Variants in NLRP13 observed in about 807,000 individuals in gnomAD.
NLRP13 encodes the protein NLR family pyrin domain containing 13, also known as NACHT, LRR and PYD domains-containing protein 13.
In NLRP13, 82 loss-of-function variants were observed where a neutral mutation model predicts 94.4. The ratio of observed to expected loss-of-function variants is 0.87; its 90% CI spans 0.73 to 1.04. NLRP13 has a LOEUF of 1.04. Among genes scored for constraint, NLRP13 ranks in the 50% least tolerant of loss-of-function variants. NLRP13 has a pLI of 0.00. For missense variants in NLRP13, 1,426 were observed against 1,230.8 expected, an observed-to-expected ratio of 1.16 and a Z score of -2.37; for synonymous variants, 553 against 464.7, an observed-to-expected ratio of 1.19 and a Z score of -2.45.
At chr19:55,927,456 TAAA>T (rs10707874) in intron 1 of NLRP13, among the ~76,000 whole-genome samples, 51 of 144,924 alleles carry the variant, frequency 3.5e-4, no homozygotes, top group African/African-American at 1.1e-3. Context: ...TCTAATTCCT[TAAA>T]AAAAAAAAAA....
intron 1 of NLRP13, among the ~76,000 whole-genome samples, chr19:55,931,722 A>AGAAAGAAAGAAAGAAAG (rs1468023647): frequency 1.0e-4 from 11 of 107,414 alleles, no homozygotes; most frequent in African/African-American, 3.6e-4. Context: ...AAAAAAAAAA[A>AGAAAGAAAGAAAGAAAG]AAAGAAAGAA....
chr19:55,932,288 G>T lies in NLRP13; in HGVS notation c.24C>A (p.Cys8Ter). The change falls in exon 1 of 11, where the codon TGC (cysteine) becomes TGA (stop). Residue 8 changes from cysteine (C) to a stop codon, truncating the protein, a stop_gained. Transcript: ENST00000342929. LOFTEE classifies it high-confidence loss of function. Reference sequence around the variant, plus strand: ...GCCCTTGGTTGGTACCACCGTTGGGGCAGGTGATTACAGAAAAGTTCATCT... The same window carrying T: ...GCCCTTGGTTGGTACCACCGTTGGGTCAGGTGATTACAGAAAAGTTCATCT... MNFSVIT[C>*]PNGGTNQGLL... 1 of 1,607,444 alleles carries T rather than the reference G, an allele frequency of 6.2e-7. No homozygotes were observed. The highest frequency in any genetic ancestry group is 8.5e-7 in the Non-Finnish European group (1 of 1,178,440).
intron 4 of NLRP13, among the ~76,000 whole-genome samples, chr19:55,921,651 T>G (rs1054091068): frequency 2.6e-5 from 4 of 152,174 alleles, no homozygotes; most frequent in African/African-American, 9.6e-5. Context: ...GAGATTAAGT[T>G]AAGGATCTGG....
intron 1 of NLRP13, among the ~76,000 whole-genome samples, chr19:55,927,797 C>A (rs1250934076): frequency 4.6e-5 from 7 of 152,048 alleles, no homozygotes; most frequent in Non-Finnish European, 7.4e-5. Flanking sequence ...GAATTGTGGC[C>A]CCGTGGTAAA....
At chr19:55,896,820 C>CAAAAAAAAAAAAAAAA (rs3073244) in intron 10 of NLRP13, among the ~76,000 whole-genome samples, 2 of 80,916 alleles carry the variant, frequency 2.5e-5, no homozygotes, top group South Asian at 7.8e-4. Context: ...CTCCATCTCA[C>CAAAAAAAAAAAAAAAA]AAAAAAAAAA....
intron 1 of NLRP13, among the ~76,000 whole-genome samples, chr19:55,926,407 C>T (rs749118181): frequency 3.3e-5 from 5 of 152,182 alleles, no homozygotes; most frequent in African/African-American, 4.8e-5. Flanking sequence ...GAAGGAATAG[C>T]GAAGAGCGGG....
At position 55,898,912 on chromosome 19, in the gene NLRP13, C is replaced by G. The variant is rs748548818; in HGVS notation, c.2815G>C (p.Glu939Gln). Residue 939 changes from glutamate (E) to glutamine (Q), a missense_variant, in exon 10 of 11, where the codon GAG (glutamate) becomes CAG (glutamine). Glu to Gln is a conservative substitution (Grantham distance 29). Coordinates refer to ENST00000342929, the MANE Select transcript of NLRP13 (RefSeq NM_176810.2). ...LNLSGCSFTR[E>Q]GCGELANALS... ...GCATTAGCCAGCTCTCCACAGCCCT[C>G]TCTTGTGAAAGAACAACCTGACAAA... 6 of 1,605,830 alleles carry G rather than the reference C, an allele frequency of 3.7e-6. No individual in the cohort carries two copies. Among genetic ancestry groups the G allele is most frequent in the African/African-American group, 1.3e-5 (1 of 74,436 alleles).
chr19:55,903,072 T>C (rs1348462243), intron 8 of NLRP13, among the ~76,000 whole-genome samples: 1 of 151,828 alleles, frequency 6.6e-6, no homozygotes, highest in Non-Finnish European at 1.5e-5. Context: ...TTATAACAGT[T>C]ATAATTATAC....
chr19:55,924,606 C>CA lies in NLRP13; in HGVS notation c.440_441insT (p.Glu147AspfsTer41). ...TGTACACACCTGTTTCTTCTTCTAGCTCGTCTAGTTCTTCTTGGTTTGGAT... is the reference window on the plus strand; with the variant it reads ...TGTACACACCTGTTTCTTCTTCTAGCATCGTCTAGTTCTTCTTGGTTTGGAT... On this transcript the variant is annotated frameshift_variant, in exon 3 of 11. Coordinates refer to ENST00000342929, the MANE Select transcript of NLRP13 (RefSeq NM_176810.2). LOFTEE classifies it high-confidence loss of function. 1 of 1,613,348 alleles carries CA rather than the reference C, an allele frequency of 6.2e-7. No individual in the cohort carries two copies. Among genetic ancestry groups the CA allele is most frequent in the Non-Finnish European group, 8.5e-7 (1 of 1,179,404 alleles).
intron 2 of NLRP13, 52 bp downstream of exon 2, chr19:55,924,915 G>A (rs1986930946): frequency 7.0e-7 from 1 of 1,434,034 alleles, no homozygotes; most frequent in African/African-American, 1.4e-5. Flanking sequence ...ACCAGTGAAT[G>A]AGTGCTCCAT....
At position 55,913,083 on chromosome 19, in the gene NLRP13, G is replaced by C; in HGVS notation, c.734C>G (p.Ala245Gly). Residue 245 changes from alanine to glycine, a missense_variant, in exon 5 of 11, where the codon GCA (alanine) becomes GGA (glycine). By Grantham distance (60) the Ala-to-Gly change is moderately conservative. Transcript: ENST00000342929. ...TGCCCAGTGCAGCATAGCCTGCATT[G>C]CCAAGGTGGTCTTCCCAACCCCTGC... ...GRAGVGKTTL[A>G]MQAMLHWANG... The C allele has an allele frequency of 6.2e-7, 1 of 1,614,134 alleles. No individual in the cohort carries two copies. Among genetic ancestry groups the C allele is most frequent in the Non-Finnish European group, 8.5e-7 (1 of 1,180,030 alleles).
chr19:55,896,011 A>G lies in NLRP13; in HGVS notation c.3066T>C (p.Thr1022=), dbSNP rs372851096. 109 of 1,614,096 alleles carry G rather than the reference A, an allele frequency of 6.8e-5. No individual in the cohort carries two copies. In the Admixed American group the frequency reaches 7.5e-4, roughly 11 times the overall value. Residue 1022 remains threonine, a synonymous_variant, in exon 11 of 11, where the codon ACT becomes ACC. Coordinates refer to ENST00000342929, the MANE Select transcript of NLRP13 (RefSeq NM_176810.2). ...NLNLLGNELD[T]DGVKMLCKAL... is the part of the protein sequence containing the mutation. Reference sequence around the variant, plus strand: ...CCTTACATAGCATCTTGACACCATCAGTATCCAATTCATTGCCTAGAAGGT... The same window carrying G: ...CCTTACATAGCATCTTGACACCATCGGTATCCAATTCATTGCCTAGAAGGT...
chr19:55,919,867 T>G (rs541479134), intron 4 of NLRP13, among the ~76,000 whole-genome samples: 2 of 152,178 alleles, frequency 1.3e-5, no homozygotes, highest in Non-Finnish European at 1.5e-5. Flanking sequence ...AGAGCCCTAA[T>G]AGCCAAAACA....
chr19:55,906,521 C>T (rs1214785256), intron 7 of NLRP13, among the ~76,000 whole-genome samples: 2 of 151,980 alleles, frequency 1.3e-5, no homozygotes, highest in South Asian at 2.1e-4. Context: ...TTGAGAAGGC[C>T]GCAAGACTTA....
chr19:55,912,039 T>C lies in NLRP13; in HGVS notation c.1778A>G (p.Asn593Ser). 6.2e-7 allele frequency: 1 copy of C among 1,614,196 alleles called. No homozygotes were observed. The highest frequency in any genetic ancestry group is 8.5e-7 in the Non-Finnish European group (1 of 1,180,032). Residue 593 changes from asparagine (N) to serine (S), a missense_variant, in exon 5 of 11, where the codon AAT (asparagine) becomes AGT (serine). Asn to Ser is a conservative substitution (Grantham distance 46). Transcript: ENST00000342929. ...PVVLFFFGLL[N>S]KNIARELEDT... ...TTCCAGTTCTCTTGCTATGTTTTTATTTAAAAGACCAAAGAAGAACAGAAC... is the reference window on the plus strand; with the variant it reads ...TTCCAGTTCTCTTGCTATGTTTTTACTTAAAAGACCAAAGAAGAACAGAAC...
intron 4 of NLRP13, among the ~76,000 whole-genome samples, chr19:55,920,908 A>G (rs190482531): frequency 2.6e-5 from 4 of 152,284 alleles, no homozygotes; most frequent in Admixed American, 2.0e-4. Context: ...GTATGTATGT[A>G]TACACATATA....
Position 55,912,056 on chromosome 19 carries a change from G to C in NLRP13, c.1761C>G (p.Phe587Leu). The C allele has an allele frequency of 1.2e-6, 2 of 1,614,172 alleles. No homozygotes were observed. The highest frequency in any genetic ancestry group is 1.7e-6 in the Non-Finnish European group (2 of 1,180,026). Residue 587 changes from phenylalanine (F) to leucine (L), a missense_variant, in exon 5 of 11, where the codon TTC becomes TTG. Transcript: ENST00000342929. ...TGTTTTTATTTAAAAGACCAAAGAA[G>C]AACAGAACCACTGGAGTCCAGTAGG... The part of the protein sequence containing the change: ...KEAYWTPVVL[F>L]FFGLLNKNIA...
chr19:55,896,800 C>A (rs1394467114), intron 10 of NLRP13, among the ~76,000 whole-genome samples: 1 of 116,296 alleles, frequency 8.6e-6, no homozygotes, highest in East Asian at 2.5e-4. Flanking sequence ...GCCTGGGCGA[C>A]AGAGCAAGAC....
chr19:55,929,689 G>A (rs190797287), intron 1 of NLRP13, among the ~76,000 whole-genome samples: 9 of 152,188 alleles, frequency 5.9e-5, no homozygotes, highest in Admixed American at 3.9e-4. Context: ...TGGGTTGATC[G>A]GTGCAGCAAA....
Sources: allele counts gnomAD v4.1 joint callset (sites outside exome capture counted in the v4.1 genomes callset), GRCh38; gene constraint gnomAD v4.1.1; transcripts MANE v1.5; gene names NCBI Gene and HGNC (gene_info 2026-07-23, HGNC 2026-07-21).